NCOA2: variants seen among roughly 807,000 people sequenced by gnomAD.
NCOA2 encodes the protein nuclear receptor coactivator 2.
NCOA2 carries 21 observed loss-of-function variants against 145.1 expected under a neutral mutation model. The observed-to-expected ratio is 0.14, with a 90% CI of 0.10 to 0.21. The LOEUF (loss-of-function observed/expected upper bound fraction) is 0.21. Ranked by LOEUF, NCOA2 falls within the 10% of genes least tolerant of loss-of-function variation. The pLI is 1.00. For synonymous variants in NCOA2, 619 were observed against 637.5 expected, an observed-to-expected ratio of 0.97 and a Z score of 0.44; for missense variants, 1,472 against 1,837.6, an observed-to-expected ratio of 0.80 and a Z score of 3.64.
chr8:70,179,412 C>T (rs183124473), intron 4 of NCOA2, among the ~76,000 whole-genome samples: 9 of 151,814 alleles, frequency 5.9e-5, no homozygotes, highest in Non-Finnish European at 1.0e-4. Context: ...GATATTATAC[C>T]GGAGGAGGAA....
At chr8:70,344,210 C>T (rs1808396381) in intron 1 of NCOA2, among the ~76,000 whole-genome samples, 1 of 152,234 alleles carries the variant, frequency 6.6e-6, no homozygotes, top group African/African-American at 2.4e-5. Context: ...CTCTACCTTG[C>T]TGCAGTGAGG....
the NCOA2 span, among the ~76,000 whole-genome samples, chr8:70,430,468 T>C: frequency 1.3e-5 from 2 of 152,212 alleles, no homozygotes; most frequent in African/African-American, 2.4e-5. Context: ...TTTTGACATA[T>C]GTATATATCC....
chr8:70,436,182 G>A, the NCOA2 span, among the ~76,000 whole-genome samples: 8 of 152,020 alleles, frequency 5.3e-5, no homozygotes, highest in Admixed American at 5.2e-4. Flanking sequence ...TTATTTCCAT[G>A]TCTCATATTT....
At chr8:70,187,676 A>G (rs1816229516) in intron 4 of NCOA2, among the ~76,000 whole-genome samples, 2 of 152,244 alleles carry the variant, frequency 1.3e-5, no homozygotes, top group African/African-American at 4.8e-5. Context: ...AATTATAAAT[A>G]TGAAAAAGAC....
intron 2 of NCOA2, chr8:70,273,532 T>C (rs1252899101): frequency 4.2e-6 from 3 of 709,284 alleles, no homozygotes; most frequent in Non-Finnish European, 7.4e-6. Flanking sequence ...TCTCTGGCAT[T>C]GAAGAGGTGA....
At chr8:70,155,042 C>A (rs1171575424) in intron 11 of NCOA2, among the ~76,000 whole-genome samples, 1 of 152,096 alleles carries the variant, frequency 6.6e-6, no homozygotes, top group Non-Finnish European at 1.5e-5. Context: ...TAAATATATA[C>A]AATTTTAATT....
At chr8:70,396,516 G>A (rs896758498) in intron 1 of NCOA2, among the ~76,000 whole-genome samples, 1 of 152,076 alleles carries the variant, frequency 6.6e-6, no homozygotes, top group Non-Finnish European at 1.5e-5. Context: ...AGTACTGTAC[G>A]GTCATCTTTG....
chr8:70,225,303 C>G (rs1268089620), intron 2 of NCOA2, among the ~76,000 whole-genome samples: 2 of 152,122 alleles, frequency 1.3e-5, no homozygotes, highest in African/African-American at 2.4e-5. Context: ...GTAATCCCAG[C>G]ATTTTGGGAG....
At chr8:70,448,142 T>A in the NCOA2 span, among the ~76,000 whole-genome samples, 1 of 152,128 alleles carries the variant, frequency 6.6e-6, no homozygotes, top group East Asian at 1.9e-4. Context: ...AACAAAGGGA[T>A]AAAATGGAGG....
intron 22 of NCOA2, among the ~76,000 whole-genome samples, chr8:70,120,036 AT>A (rs1807621021): frequency 6.6e-6 from 1 of 151,996 alleles, no homozygotes; most frequent in South Asian, 2.1e-4. Flanking sequence ...CACCTGGCTA[AT>A]TTTTGTATTT....
rs1311924542 is a variant in NCOA2 at position 70,309,703 on chromosome 8, C to T, written c.-76-12903G>A. 4.6e-5 allele frequency among the ~76,000 whole-genome samples: 7 copies of T among 152,074 alleles called. No homozygotes were observed. In the East Asian group the frequency reaches 1.3e-3, roughly 29 times the overall value. On this transcript the variant is annotated intron_variant, in intron 1 of 22. Coordinates refer to ENST00000452400, the MANE Select transcript of NCOA2 (RefSeq NM_006540.4). ...CAGTAGCAAGCACCTGTAATCCCAA[C>T]ACTTTGGGAGGTCGACATGGGAGGA...
intron 21 of NCOA2, 45 bp downstream of exon 21, chr8:70,123,839 A>G: frequency 6.7e-7 from 1 of 1,492,396 alleles, no homozygotes; most frequent in South Asian, 1.3e-5. Context: ...GTAGAAAAAA[A>G]GCCGTGATAT....
intron 19 of NCOA2, among the ~76,000 whole-genome samples, chr8:70,125,330 T>G (rs1246714238): frequency 6.6e-6 from 1 of 152,156 alleles, no homozygotes; most frequent in Non-Finnish European, 1.5e-5. Context: ...GGCGTGATCA[T>G]AGTTCACTGC....
At chr8:70,218,133 C>T (rs1015381799) in intron 2 of NCOA2, among the ~76,000 whole-genome samples, 1 of 151,924 alleles carries the variant, frequency 6.6e-6, no homozygotes, top group Admixed American at 6.6e-5. Flanking sequence ...ATCTGGGCTG[C>T]CCAGTCTCAG....
the NCOA2 span, among the ~76,000 whole-genome samples, chr8:70,427,921 C>T: frequency 9.2e-5 from 14 of 151,950 alleles, no homozygotes; most frequent in African/African-American, 2.9e-4. Context: ...ATTTTAGTTA[C>T]GTATGGATAA....
At chr8:70,292,621 A>C (rs1826783909) in intron 2 of NCOA2, among the ~76,000 whole-genome samples, 1 of 152,130 alleles carries the variant, frequency 6.6e-6, no homozygotes, top group South Asian at 2.1e-4. Context: ...ACATGGAGTT[A>C]AACTTGCATG....
At chr8:70,171,527 T>C in intron 5 of NCOA2, among the ~76,000 whole-genome samples, 1 of 152,210 alleles carries the variant, frequency 6.6e-6, no homozygotes, top group Non-Finnish European at 1.5e-5. Flanking sequence ...CCCATTTTTC[T>C]CTTTTTGACC....
intron 2 of NCOA2, among the ~76,000 whole-genome samples, chr8:70,294,682 ACTAGG>A (rs1237461968): frequency 6.6e-6 from 1 of 152,210 alleles, no homozygotes; most frequent in African/African-American, 2.4e-5. Flanking sequence ...ATATTCTTGT[ACTAGG>A]GGTATTTAGG....
At chr8:70,348,794 G>A (rs1476566505) in intron 1 of NCOA2, among the ~76,000 whole-genome samples, 2 of 152,160 alleles carry the variant, frequency 1.3e-5, no homozygotes, top group Non-Finnish European at 2.9e-5. Flanking sequence ...TTTCACTTTG[G>A]TTGTGCTGCA....
Sources: allele counts gnomAD v4.1 joint callset (sites outside exome capture counted in the v4.1 genomes callset), GRCh38; gene constraint gnomAD v4.1.1; transcripts MANE v1.5; gene names NCBI Gene and HGNC (gene_info 2026-07-23, HGNC 2026-07-21).